ANKRD46: variants seen among roughly 807,000 people sequenced by gnomAD.
ANKRD46 encodes ankyrin repeat domain-containing protein 46.
Under a neutral mutation model 19.8 loss-of-function variants are expected in ANKRD46, and 13 were observed. That is an observed-to-expected ratio of 0.66 (90% confidence interval 0.43 to 1.04). ANKRD46 has a LOEUF of 1.04. Ranked by LOEUF, ANKRD46 falls within the 50% of genes least tolerant of loss-of-function variation. The pLI, the probability that ANKRD46 is intolerant of heterozygous loss-of-function variation, is 0.00. For missense variants in ANKRD46, 185 were observed against 274.8 expected, an observed-to-expected ratio of 0.67 and a Z score of 2.31; for synonymous variants, 91 against 106.9, an observed-to-expected ratio of 0.85 and a Z score of 0.92.
chr8:100,515,693 A>G (rs1811619492), intron 5 of ANKRD46, among the ~76,000 whole-genome samples: 4 of 149,204 alleles, frequency 2.7e-5, no homozygotes, highest in Admixed American at 6.7e-5. Flanking sequence ...CGTGTGAGGG[A>G]GGGGCAGTAT....
At position 100,534,660 on chromosome 8, in the gene ANKRD46, G is replaced by C. The variant is rs1198079198; in HGVS notation, c.-130-1349C>G. On this transcript the variant is annotated intron_variant, in intron 1 of 4. Transcript: ENST00000335659. The surrounding 1 kb of genome is among the most constrained non-coding windows in gnomAD (Gnocchi z 4.2). ...TGGTAGAGCTCACATTAGGGAAAAA[G>C]AAAAAATTTTGTTTTTCATCTAGAG... Among the ~76,000 whole-genome samples the C allele has an allele frequency of 1.3e-5, 2 of 152,130 alleles. No homozygotes were observed. Among genetic ancestry groups the C allele is most frequent in the Non-Finnish European group, 2.9e-5 (2 of 68,022 alleles).
intron 1 of ANKRD46, among the ~76,000 whole-genome samples, chr8:100,548,487 C>G (rs1439094344): frequency 6.6e-6 from 1 of 152,182 alleles, no homozygotes; most frequent in Non-Finnish European, 1.5e-5. Flanking sequence ...TTATTATAAT[C>G]TATAATTTTC....
intron 2 of ANKRD46, among the ~76,000 whole-genome samples, chr8:100,531,883 C>G (rs750821866): frequency 6.6e-6 from 1 of 152,128 alleles, no homozygotes; most frequent in Admixed American, 6.5e-5. Context: ...AATATGGAGG[C>G]ACTGGATTGT....
rs528407365 is a variant in ANKRD46 at position 100,546,077 on chromosome 8, T to C, written c.-130-12766A>G. Reference sequence around the variant, plus strand: ...TTCTGTTTAAAAGCGAAGCAGAGCATAAAAGTTTGGAAATTTGCAGCCTGA... The same window carrying C: ...TTCTGTTTAAAAGCGAAGCAGAGCACAAAAGTTTGGAAATTTGCAGCCTGA... On this transcript the variant is annotated intron_variant, in intron 1 of 4. Coordinates refer to ENST00000335659, the MANE Select transcript of ANKRD46 (RefSeq NM_001270377.2). The surrounding 1 kb of genome is among the most constrained non-coding windows in gnomAD (Gnocchi z 4.0). 1.2e-4 allele frequency among the ~76,000 whole-genome samples: 18 copies of C among 152,310 alleles called. No individual in the cohort carries two copies. Among genetic ancestry groups the C allele is most frequent in the Admixed American group, 1.1e-3 (17 of 15,306 alleles).
rs17350989 is a variant in ANKRD46 at position 100,550,731 on chromosome 8, T to C, written c.-131+8980A>G. 5,552 of 411,196 alleles carry C rather than the reference T, an allele frequency of 0.014. 63 individuals are homozygous for C. Among genetic ancestry groups the C allele is most frequent in the Non-Finnish European group, 0.021 (4,409 of 212,084 alleles). 25.5% of individuals were successfully genotyped at this position (411,196 alleles called of 1,614,324 possible). On this transcript the variant is annotated intron_variant, in intron 1 of 4. Transcript: ENST00000335659. The surrounding 1 kb of genome is among the most constrained non-coding windows in gnomAD (Gnocchi z 4.4). Reference sequence around the variant, plus strand: ...GCTGGTTGTCGAGCAGTCTTACTCCTTGGAGGCCATATGGGCCACCACCCT... The same window carrying C: ...GCTGGTTGTCGAGCAGTCTTACTCCCTGGAGGCCATATGGGCCACCACCCT...
downstream of ANKRD46, among the ~76,000 whole-genome samples, chr8:100,518,709 G>A (rs947941423): frequency 6.6e-6 from 1 of 151,980 alleles, no homozygotes; most frequent in Admixed American, 6.6e-5. Flanking sequence ...AAAATTAGCT[G>A]GGCGTGGTGG....
At chr8:100,530,931 G>A (rs1421081611) in intron 2 of ANKRD46, among the ~76,000 whole-genome samples, 3 of 152,180 alleles carry the variant, frequency 2.0e-5, no homozygotes, top group Non-Finnish European at 2.9e-5. Flanking sequence ...TAGGTCTGAT[G>A]TGAATTTCAT....
chr8:100,518,062 A>G (rs1441986559), downstream of ANKRD46, among the ~76,000 whole-genome samples: 1 of 152,188 alleles, frequency 6.6e-6, no homozygotes, highest in African/African-American at 2.4e-5. Context: ...ATGGTAGTGC[A>G]CACCTGTAAT....
At chr8:100,526,560 T>C (rs1811846240) in intron 4 of ANKRD46, among the ~76,000 whole-genome samples, 1 of 152,216 alleles carries the variant, frequency 6.6e-6, no homozygotes, top group Non-Finnish European at 1.5e-5. Flanking sequence ...GACTTCTTGA[T>C]TATCTATTTG....
In ANKRD46 at chr8:100,546,839, A is replaced by T. The variant is rs752892508; in HGVS notation, c.-131+12872T>A. Among the ~76,000 whole-genome samples, 6 of 152,220 alleles carry T rather than the reference A, an allele frequency of 3.9e-5. No individual in the cohort carries two copies. Among genetic ancestry groups the T allele is most frequent in the Non-Finnish European group, 8.8e-5 (6 of 68,038 alleles). ...CTTGCATCAGCATACCCTGGATGTG[A>T]GACATGGAGTTAAAGGAGATTTTGG... is the stretch of plus-strand genomic sequence containing the variant. On this transcript the variant is annotated intron_variant, in intron 1 of 4. Transcript: ENST00000335659. The surrounding 1 kb of genome is among the most constrained non-coding windows in gnomAD (Gnocchi z 4.0).
chr8:100,536,967 A>G lies in ANKRD46; in HGVS notation c.-130-3656T>C, dbSNP rs1201509849. On this transcript the variant is annotated intron_variant, in intron 1 of 4. Coordinates refer to ENST00000335659, the MANE Select transcript of ANKRD46 (RefSeq NM_001270377.2). This position sits in a 1 kb window ranked among gnomAD's most constrained non-coding sequence, Gnocchi z 4.9. ...ACGCAGTCACTTAGATCGCGGCAAC[A>G]AGAGCTTCTTATGTCAACCAGCGTG... Among the ~76,000 whole-genome samples, 1 of 152,220 alleles carries G rather than the reference A, an allele frequency of 6.6e-6. No homozygotes were observed. The highest frequency in any genetic ancestry group is 2.4e-5 in the African/African-American group (1 of 41,462).
intron 1 of ANKRD46, among the ~76,000 whole-genome samples, chr8:100,535,518 T>C (rs1321807420): frequency 6.6e-6 from 1 of 152,142 alleles, no homozygotes; most frequent in African/African-American, 2.4e-5. Flanking sequence ...GAAAAATCTC[T>C]CATATGTTGC....
At chr8:100,513,753 G>A (rs1811584836) in intron 5 of ANKRD46, among the ~76,000 whole-genome samples, 2 of 152,194 alleles carry the variant, frequency 1.3e-5, no homozygotes, top group Non-Finnish European at 2.9e-5. Flanking sequence ...GAATGCAAAA[G>A]CACTTTTGGG....
Position 100,534,483 on chromosome 8 carries a change from A to G in ANKRD46, c.-130-1172T>C, listed in dbSNP as rs1423166030. 1.3e-5 allele frequency among the ~76,000 whole-genome samples: 2 copies of G among 152,176 alleles called. No homozygotes were observed. The highest frequency in any genetic ancestry group is 6.5e-5 in the Admixed American group (1 of 15,278). On this transcript the variant is annotated intron_variant, in intron 1 of 4. Transcript: ENST00000335659. The surrounding 1 kb of genome is among the most constrained non-coding windows in gnomAD (Gnocchi z 4.2). ...CCACTTACCTTGATTTCCTTAAACAAATATTATGTATTCACCCAAAGCCTA... is the reference window on the plus strand; with the variant it reads ...CCACTTACCTTGATTTCCTTAAACAGATATTATGTATTCACCCAAAGCCTA...
rs1287433928 is a variant in ANKRD46 at position 100,544,506 on chromosome 8, T to TA, written c.-130-11196dup. Reference sequence around the variant, plus strand: ...CAATCAAGTGATCTTAAGTGATAAATAGCGAAGGCAGACTTCCAGACTTGA... The same window carrying TA: ...CAATCAAGTGATCTTAAGTGATAAATAAGCGAAGGCAGACTTCCAGACTTGA... On this transcript the variant is annotated intron_variant, in intron 1 of 4. Transcript: ENST00000335659. The surrounding 1 kb of genome is among the most constrained non-coding windows in gnomAD (Gnocchi z 4.4). Among the ~76,000 whole-genome samples, 5 of 152,158 alleles carry TA rather than the reference T, an allele frequency of 3.3e-5. No homozygotes were observed. Among genetic ancestry groups the TA allele is most frequent in the African/African-American group, 1.2e-4 (5 of 41,418 alleles).
intron 5 of ANKRD46, among the ~76,000 whole-genome samples, chr8:100,515,023 T>C (rs1245734927): frequency 6.6e-6 from 1 of 152,164 alleles, no homozygotes; most frequent in Non-Finnish European, 1.5e-5. Context: ...GAAAAACATA[T>C]TGAAGAGCTT....
At position 100,524,212 on chromosome 8, in the gene ANKRD46, AAGAGGG is replaced by A. The variant is rs1473924017; in HGVS notation, c.471-1447_471-1442del. On this transcript the variant is annotated intron_variant, in intron 4 of 4. Coordinates refer to ENST00000335659, the MANE Select transcript of ANKRD46 (RefSeq NM_001270377.2). The surrounding 1 kb of genome is among the most constrained non-coding windows in gnomAD (Gnocchi z 4.3). Reference sequence around the variant, plus strand: ...TTATATCACAACATACAGGCCCAATAAGAGGGTATCATTTAGATTAAAGCCACCATA... The same window carrying A: ...TTATATCACAACATACAGGCCCAATATATCATTTAGATTAAAGCCACCATA... Among the ~76,000 whole-genome samples, 4 of 152,186 alleles carry A rather than the reference AAGAGGG, an allele frequency of 2.6e-5. No homozygotes were observed. The highest frequency in any genetic ancestry group is 1.9e-4 in the East Asian group (1 of 5,202).
rs1007566331 is a variant in ANKRD46 at position 100,532,843 on chromosome 8, G to T, written c.-28+366C>A. 6.6e-6 allele frequency among the ~76,000 whole-genome samples: 1 copy of T among 152,160 alleles called. No homozygotes were observed. The highest frequency in any genetic ancestry group is 1.5e-5 in the Non-Finnish European group (1 of 68,016). On this transcript the variant is annotated intron_variant, in intron 2 of 4. Coordinates refer to ENST00000335659, the MANE Select transcript of ANKRD46 (RefSeq NM_001270377.2). This position sits in a 1 kb window ranked among gnomAD's most constrained non-coding sequence, Gnocchi z 4.7. Reference sequence around the variant, plus strand: ...TCATAAACCTTTTTCAAAATGAAATGCCACATATCAAGTGCTTTTCAAAAG... The same window carrying T: ...TCATAAACCTTTTTCAAAATGAAATTCCACATATCAAGTGCTTTTCAAAAG...
rs1005065830 is a variant in ANKRD46 at position 100,524,957 on chromosome 8, T to A, written c.471-2186A>T. On this transcript the variant is annotated intron_variant, in intron 4 of 4. Transcript: ENST00000335659. This position sits in a 1 kb window ranked among gnomAD's most constrained non-coding sequence, Gnocchi z 4.3. ...GGGGTGTGTTTGCATGTATCTTTTT[T>A]AAAAAATGTGATAGCTATACTGTTT... 3.3e-5 allele frequency among the ~76,000 whole-genome samples: 5 copies of A among 152,198 alleles called. No individual in the cohort carries two copies. In the East Asian group the frequency reaches 7.7e-4, roughly 23 times the overall value.
Sources: gnomAD v4.1 joint callset for allele counts (sites outside exome capture counted in the v4.1 genomes callset) on GRCh38, gnomAD v4.1.1 for gene constraint, Gnocchi (gnomAD v3.1) non-coding constraint, MANE v1.5 for transcripts, NCBI Gene and HGNC (gene_info 2026-07-23, HGNC 2026-07-21) for gene names.